METAP1D: variants seen among roughly 807,000 people sequenced by gnomAD.
METAP1D encodes methionyl aminopeptidase type 1D, mitochondrial.
A neutral mutation model predicts 40.5 loss-of-function variants in METAP1D; 31 were observed. The ratio of observed to expected loss-of-function variants is 0.77; its 90% CI spans 0.58 to 1.03. The LOEUF (loss-of-function observed/expected upper bound fraction) is 1.03. Ranked by LOEUF, METAP1D falls within the 50% of genes least tolerant of loss-of-function variation. The probability of loss-of-function intolerance (pLI) is 0.00; values close to 1 mark genes in which losing one functional copy is unlikely to be tolerated. For missense variants in METAP1D, 411 were observed against 420.7 expected, an observed-to-expected ratio of 0.98 and a Z score of 0.20; for synonymous variants, 151 against 146.4, an observed-to-expected ratio of 1.03 and a Z score of -0.22.
intron 6 of METAP1D, among the ~76,000 whole-genome samples, chr2:172,075,315 T>C (rs747288921): frequency 1.7e-4 from 26 of 152,170 alleles, no homozygotes; most frequent in Non-Finnish European, 2.9e-4. Context: ...GGAGAATTCT[T>C]TTCAGTAGGT....
At chr2:172,072,601 G>A (rs1690450137) in intron 6 of METAP1D, 1 of 163,400 alleles carries the variant, frequency 6.1e-6, no homozygotes, top group East Asian at 1.9e-4. Context: ...CATTTCTGTT[G>A]TTCTCCCTGT....
chr2:172,020,414 A>G (rs1348883085), intron 1 of METAP1D, among the ~76,000 whole-genome samples: 2 of 152,234 alleles, frequency 1.3e-5, no homozygotes, highest in Non-Finnish European at 2.9e-5. Flanking sequence ...AAACAACAAC[A>G]AAAAAAGCAG....
chr2:172,074,182 G>A (rs934309743), intron 6 of METAP1D, among the ~76,000 whole-genome samples: 7 of 152,150 alleles, frequency 4.6e-5, no homozygotes, highest in Admixed American at 3.9e-4. Flanking sequence ...TATTGTGAAT[G>A]TGTAGATTCA....
chr2:172,036,742 A>C (rs935936570), intron 1 of METAP1D, among the ~76,000 whole-genome samples: 4 of 152,098 alleles, frequency 2.6e-5, no homozygotes, highest in African/African-American at 9.7e-5. Flanking sequence ...TTTTATGTGT[A>C]TACCTAGGAT....
intron 1 of METAP1D, among the ~76,000 whole-genome samples, chr2:172,030,753 G>A (rs1039345466): frequency 6.6e-6 from 1 of 152,114 alleles, no homozygotes; most frequent in Non-Finnish European, 1.5e-5. Flanking sequence ...ACTTTCTTCT[G>A]TACTTAAAAT....
chr2:172,071,331 T>C (rs1360979218), intron 6 of METAP1D, among the ~76,000 whole-genome samples: 1 of 152,202 alleles, frequency 6.6e-6, no homozygotes, highest in Non-Finnish European at 1.5e-5. Flanking sequence ...TGTTTTAGCT[T>C]GACATACTGG....
intron 1 of METAP1D, among the ~76,000 whole-genome samples, chr2:172,006,800 T>C (rs1019406343): frequency 1.3e-5 from 2 of 152,210 alleles, no homozygotes; most frequent in African/African-American, 4.8e-5. Context: ...GTTACATCTA[T>C]ACTCCCAGTT....
intron 1 of METAP1D, among the ~76,000 whole-genome samples, chr2:172,012,733 T>C (rs1688759921): frequency 6.6e-6 from 1 of 152,200 alleles, no homozygotes; most frequent in South Asian, 2.1e-4. Flanking sequence ...CTTCAGGCAA[T>C]AGGAAGCTAT....
At chr2:172,008,040 T>TG (rs1200542069) in intron 1 of METAP1D, among the ~76,000 whole-genome samples, 1 of 151,260 alleles carries the variant, frequency 6.6e-6, no homozygotes, top group Non-Finnish European at 1.5e-5. Context: ...TTTTTTTTTT[T>TG]GAAAATTATT....
chr2:172,074,130 T>C (rs948597118), intron 6 of METAP1D, among the ~76,000 whole-genome samples: 2 of 152,204 alleles, frequency 1.3e-5, no homozygotes, highest in Non-Finnish European at 2.9e-5. Context: ...AATCTGTATT[T>C]TTATAATTAT....
At position 172,000,029 on chromosome 2, in the gene METAP1D, C is replaced by G; in HGVS notation, c.40+20C>G. 1 of 1,306,462 alleles carries G rather than the reference C, an allele frequency of 7.7e-7. No homozygotes were observed. The highest frequency in any genetic ancestry group is 9.8e-7 in the Non-Finnish European group (1 of 1,017,506). The allele number at this position is 1,306,462 out of a possible 1,614,324, so 80.9% of individuals were successfully genotyped here. A position where few individuals can be genotyped will look rare whatever the true frequency, so the allele number is the denominator to read the frequency against. ...GCAGAGGTAAGCGCGTGGAGGAGAG[C>G]CCCGTGAGGGTTCGCACGGTTGCTC... On this transcript the variant is annotated intron_variant, in intron 1 of 9. Transcript: ENST00000315796.
At chr2:172,038,082 A>C (rs960095020) in intron 1 of METAP1D, among the ~76,000 whole-genome samples, 11 of 152,284 alleles carry the variant, frequency 7.2e-5, no homozygotes, top group African/African-American at 2.6e-4. Context: ...ATGTGGTAGG[A>C]AGCAGTAAAG....
At chr2:172,001,541 A>C (rs1387895071) in intron 1 of METAP1D, among the ~76,000 whole-genome samples, 1 of 151,692 alleles carries the variant, frequency 6.6e-6, no homozygotes, top group East Asian at 1.9e-4. Flanking sequence ...CCGTCTCAGA[A>C]AAAAAAAATA....
intron 1 of METAP1D, among the ~76,000 whole-genome samples, chr2:172,006,191 T>G (rs947226294): frequency 2.0e-5 from 3 of 151,048 alleles, no homozygotes; most frequent in East Asian, 1.9e-4. Context: ...TTTTTGTTTT[T>G]TTTTTTTTTT....
intron 1 of METAP1D, among the ~76,000 whole-genome samples, chr2:172,015,793 T>A (rs1414889622): frequency 6.6e-6 from 1 of 151,900 alleles, no homozygotes; most frequent in Non-Finnish European, 1.5e-5. Flanking sequence ...GACCCCCATC[T>A]TTATAAAACA....
At chr2:172,045,807 GTGTGTGTGTGTGTATATATATATA>G (rs1373749516) in intron 1 of METAP1D, among the ~76,000 whole-genome samples, 2,187 of 52,854 alleles carry the variant, frequency 0.041, 93 homozygotes, top group Non-Finnish European at 0.059. Flanking sequence ...ATGTGTGTGT[GTGTGTGTGTGTGTATATATATATA>G]TATATATATA....
At chr2:172,051,405 G>A (rs943773674) in intron 1 of METAP1D, among the ~76,000 whole-genome samples, 1 of 152,174 alleles carries the variant, frequency 6.6e-6, no homozygotes, top group Non-Finnish European at 1.5e-5. Flanking sequence ...ATGCCTGTGT[G>A]CTGGTGGTGT....
intron 6 of METAP1D, among the ~76,000 whole-genome samples, chr2:172,074,677 A>G (rs1230071688): frequency 6.6e-6 from 1 of 152,190 alleles, no homozygotes; most frequent in Non-Finnish European, 1.5e-5. Flanking sequence ...GTACTTAAAC[A>G]TTCCTTTTCA....
At chr2:172,000,983 A>G (rs1688447379) in intron 1 of METAP1D, among the ~76,000 whole-genome samples, 1 of 152,224 alleles carries the variant, frequency 6.6e-6, no homozygotes, top group Admixed American at 6.5e-5. Flanking sequence ...AGACTTGGCA[A>G]TAGAGCCAGA....
Sources: gnomAD v4.1 joint callset for allele counts (sites outside exome capture counted in the v4.1 genomes callset) on GRCh38, gnomAD v4.1.1 for gene constraint, MANE v1.5 for transcripts, NCBI Gene and HGNC (gene_info 2026-07-23, HGNC 2026-07-21) for gene names.